Variants in ARHGAP23 observed in about 807,000 individuals in gnomAD.
The protein encoded by ARHGAP23 is Rho GTPase activating protein 23.
Under a neutral mutation model 136.3 loss-of-function variants are expected in ARHGAP23, and 34 were observed. The ratio of observed to expected loss-of-function variants is 0.25; its 90% CI spans 0.19 to 0.33. The LOEUF (loss-of-function observed/expected upper bound fraction) is 0.33, where lower values mean the gene tolerates loss of function less well. Among genes scored for constraint, ARHGAP23 ranks in the 10% least tolerant of loss-of-function variants. The pLI is 1.00. For missense variants in ARHGAP23, 1,808 were observed against 2,139.0 expected (o/e 0.85, Z 3.05); for synonymous variants, 832 against 920.5 (o/e 0.90, Z 1.74).
Position 38,499,035 on chromosome 17 carries a change from A to C in ARHGAP23, c.3415+525A>C, listed in dbSNP as rs536348410. 1.8e-3 allele frequency: 1,227 copies of C among 698,404 alleles called. 1 individual carries two copies. Among genetic ancestry groups the C allele is most frequent in the Middle Eastern group, 3.3e-3 (9 of 2,720 alleles). 43.3% of individuals were successfully genotyped at this position (698,404 alleles called of 1,614,324 possible). A position where few individuals can be genotyped will look rare whatever the true frequency, so the allele number is the denominator to read the frequency against. On this transcript the variant is annotated intron_variant, in intron 22 of 23. Transcript: ENST00000622683. Reference sequence around the variant, plus strand: ...GCTGGGTGGGCACAGCGGCAGGCAGAATGTCCCGGACTGTGAGGACCCCAC... The same window carrying C: ...GCTGGGTGGGCACAGCGGCAGGCAGCATGTCCCGGACTGTGAGGACCCCAC...
rs1307449505 is a variant in ARHGAP23, at chr17:38,463,138, A to G, written c.370A>G (p.Asn124Asp). ...LRTGDRLVKV[N>D]GESVIGKTYS... ...CCCAGGAGACCGGCTGGTAAAGGTG[A>G]ATGGGGAAAGCGTCATTGGGAAGAC... Residue 124 changes from asparagine (N) to aspartate (D), a missense_variant, in exon 5 of 24, where the codon AAT becomes GAT. Coordinates refer to ENST00000622683, the MANE Select transcript of ARHGAP23 (RefSeq NM_001199417.2). The G allele has an allele frequency of 5.2e-6, 8 of 1,551,342 alleles. No individual in the cohort carries two copies. Among genetic ancestry groups the G allele is most frequent in the Non-Finnish European group, 2.6e-6 (3 of 1,146,890 alleles).
At chr17:38,489,985 G>T in intron 17 of ARHGAP23, 117 bp from the exon 18 acceptor site, 7 of 933,998 alleles carry the variant, frequency 7.5e-6, no homozygotes, top group Non-Finnish European at 1.0e-5. Context: ...TGTCGCCCAC[G>T]CTGGAGCCCC....
intron 1 of ARHGAP23, among the ~76,000 whole-genome samples, chr17:38,440,769 G>A (rs965179447): frequency 1.3e-5 from 2 of 152,214 alleles, no homozygotes; most frequent in African/African-American, 4.8e-5. Context: ...CCCAGTGTGT[G>A]TCCCACCGGG....
At chr17:38,484,085 T>C (rs1415402488) in intron 16 of ARHGAP23, among the ~76,000 whole-genome samples, 1 of 152,118 alleles carries the variant, frequency 6.6e-6, no homozygotes, top group Admixed American at 6.5e-5. Flanking sequence ...GAAACAGTAA[T>C]GCTCCTGCTC....
chr17:38,479,086 C>T (rs1597815350), intron 12 of ARHGAP23, among the ~76,000 whole-genome samples: 1 of 152,200 alleles, frequency 6.6e-6, no homozygotes, highest in Non-Finnish European at 1.5e-5. Flanking sequence ...GATCCCAAGT[C>T]ACCATCACTA....
At chr17:38,508,113 C>T (rs1200672279) in intron 23 of ARHGAP23, among the ~76,000 whole-genome samples, 3 of 152,224 alleles carry the variant, frequency 2.0e-5, no homozygotes, top group Non-Finnish European at 1.5e-5. Context: ...AAGTCACAGC[C>T]TTTGCTCTTA....
At chr17:38,471,472 T>C (rs372669722) in intron 10 of ARHGAP23, among the ~76,000 whole-genome samples, 46 of 152,368 alleles carry the variant, frequency 3.0e-4, no homozygotes, top group African/African-American at 1.1e-3. Flanking sequence ...TGGACATGAC[T>C]ACCTGCTCCA....
chr17:38,430,308 G>A (rs2038658323), intron 1 of ARHGAP23, among the ~76,000 whole-genome samples: 1 of 152,132 alleles, frequency 6.6e-6, no homozygotes, highest in South Asian at 2.1e-4. Context: ...GGGGAGGAAA[G>A]CTGTTAGGAA....
intron 1 of ARHGAP23, among the ~76,000 whole-genome samples, chr17:38,429,523 G>A (rs1230325841): frequency 2.0e-5 from 3 of 152,340 alleles, no homozygotes; most frequent in African/African-American, 7.2e-5. Flanking sequence ...GAAAGACTTG[G>A]GGACCCTCCT....
intron 1 of ARHGAP23, among the ~76,000 whole-genome samples, chr17:38,442,327 AT>A (rs1259129995): frequency 6.6e-6 from 1 of 152,076 alleles, no homozygotes; most frequent in Non-Finnish European, 1.5e-5. Context: ...GGGTGGGGAT[AT>A]AAAAAGCCCC....
intron 7 of ARHGAP23, among the ~76,000 whole-genome samples, chr17:38,468,711 GC>G (rs1367879790): frequency 5.9e-5 from 9 of 152,212 alleles, no homozygotes. Context: ...CCCTTGAGGA[GC>G]CCCAGCTGAT....
chr17:38,490,544 A>G lies in ARHGAP23; in HGVS notation c.3143A>G (p.Lys1048Arg). Residue 1048 changes from lysine to arginine, a missense_variant, in exon 19 of 24, where the codon AAA (lysine) becomes AGA (arginine). By Grantham distance (26) the Lys-to-Arg change is conservative. Around this residue, in one of 7 missense-constraint regions of ARHGAP23, gnomAD observed 105 missense variants for 200.6 expected, o/e 0.52. Transcript: ENST00000622683. ...HLKTIADHSE[K>R]NKMEPRNLAL... ...AAGACCATCGCTGACCACTCTGAGA[A>G]AAACAAGGTGGGTAGGAGTCCCGCA... The G allele has an allele frequency of 1.4e-5, 21 of 1,544,286 alleles. No homozygotes were observed. The highest frequency in any genetic ancestry group is 1.8e-5 in the Non-Finnish European group (20 of 1,142,024).
chr17:38,466,543 C>T lies in ARHGAP23; in HGVS notation c.860C>T (p.Ala287Val). Residue 287 changes from alanine (A) to valine (V), a missense_variant, in exon 7 of 24, where the codon GCC becomes GTC. Around this residue, in one of 7 missense-constraint regions of ARHGAP23, gnomAD observed 859 missense variants for 936.4 expected, o/e 0.92. Transcript: ENST00000622683. ...VPPSRLECQQALSHWLSNQVP... is the reference protein window; with the variant it reads ...VPPSRLECQQVLSHWLSNQVP... ...CCCAGCAGACTGGAGTGCCAGCAGG[C>T]CTTGTCACACTGGCTGTCAAACCAG... is the stretch of plus-strand genomic sequence containing the variant. 1 of 1,478,554 alleles carries T rather than the reference C, an allele frequency of 6.8e-7. No individual in the cohort carries two copies. The highest frequency in any genetic ancestry group is 8.9e-7 in the Non-Finnish European group (1 of 1,120,772). 91.6% of individuals were successfully genotyped at this position (1,478,554 alleles called of 1,614,324 possible).
chr17:38,483,836 GC>G (rs1201140525), intron 16 of ARHGAP23, among the ~76,000 whole-genome samples: 5 of 152,178 alleles, frequency 3.3e-5, no homozygotes, highest in Admixed American at 6.5e-5. Context: ...TGGACGGGAA[GC>G]CTTTCGGGGT....
intron 16 of ARHGAP23, among the ~76,000 whole-genome samples, chr17:38,484,162 A>C (rs2040109423): frequency 6.6e-6 from 1 of 151,986 alleles, no homozygotes; most frequent in Admixed American, 6.6e-5. Flanking sequence ...TGGAAGCGCT[A>C]AGTGTCGGGA....
chr17:38,447,453 A>AAAAAAAAAAAAAAAAAAAC (rs2039060953), intron 1 of ARHGAP23, among the ~76,000 whole-genome samples: 1 of 150,750 alleles, frequency 6.6e-6, no homozygotes, highest in Non-Finnish European at 1.5e-5. Context: ...AAAAAAAAAA[A>AAAAAAAAAAAAAAAAAAAC]AAAAAAAAAA....
At chr17:38,498,365 CA>C (rs2040439823) in intron 21 of ARHGAP23, 48 bp from the exon 22 acceptor site, 1 of 1,456,586 alleles carries the variant, frequency 6.9e-7, no homozygotes, top group African/African-American at 1.4e-5. Context: ...GGGGGGTTGG[CA>C]GCCCAGCATC....
At chr17:38,422,422 C>T (rs2038528563) in intron 1 of ARHGAP23, among the ~76,000 whole-genome samples, 1 of 152,198 alleles carries the variant, frequency 6.6e-6, no homozygotes, top group African/African-American at 2.4e-5. Flanking sequence ...CACACTCACT[C>T]ATACACAGGG....
chr17:38,505,036 G>C (rs994909605), intron 23 of ARHGAP23, among the ~76,000 whole-genome samples: 3 of 95,534 alleles, frequency 3.1e-5, no homozygotes, highest in African/African-American at 7.8e-5. Context: ...GACAGGTCTT[G>C]CTCTGTCACC....
Sources: allele counts gnomAD v4.1 joint callset (sites outside exome capture counted in the v4.1 genomes callset), GRCh38; gene constraint gnomAD v4.1.1; regional missense constraint gnomAD v4.1.1; transcripts MANE v1.5; gene names NCBI Gene and HGNC (gene_info 2026-07-23, HGNC 2026-07-21).